The following LARP4 variants were observed in gnomAD, a reference collection of about 807,000 sequenced individuals.
LARP4 encodes the protein la-related protein 4.
A neutral mutation model predicts 92.9 loss-of-function variants in LARP4; 29 were observed. The ratio of observed to expected loss-of-function variants is 0.31; its 90% CI spans 0.23 to 0.43. The LOEUF (loss-of-function observed/expected upper bound fraction) is 0.43, where lower values mean the gene tolerates loss of function less well. LARP4 is among the 20% of genes least tolerant of loss of function. The pLI, the probability that LARP4 is intolerant of heterozygous loss-of-function variation, is 1.00. For missense variants in LARP4, 732 were observed against 860.0 expected, an observed-to-expected ratio of 0.85 and a Z score of 1.86; for synonymous variants, 279 against 284.1, an observed-to-expected ratio of 0.98 and a Z score of 0.18.
intron 13 of LARP4, among the ~76,000 whole-genome samples, chr12:50,472,166 A>G (rs1034456058): frequency 2.0e-5 from 3 of 152,154 alleles, no homozygotes; most frequent in Admixed American, 6.6e-5. Flanking sequence ...TCTAAATTCT[A>G]TGCCAGCAGT....
intron 5 of LARP4, 140 bp from the exon 6 acceptor site, chr12:50,437,595 T>C (rs1565614023): frequency 1.8e-6 from 1 of 541,978 alleles, no homozygotes; most frequent in Non-Finnish European, 3.3e-6. Flanking sequence ...TCTTTGATTC[T>C]ACAACTTAGT....
intron 10 of LARP4, among the ~76,000 whole-genome samples, chr12:50,456,901 G>C (rs1954355046): frequency 7.1e-6 from 1 of 140,882 alleles, no homozygotes; most frequent in Non-Finnish European, 1.6e-5. Context: ...TCATTTTCAA[G>C]ATGTAACAGG....
At chr12:50,474,299 G>A (rs1196769598) in intron 15 of LARP4, 132 bp downstream of exon 15, 3 of 677,654 alleles carry the variant, frequency 4.4e-6, no homozygotes, top group African/African-American at 3.6e-5. Context: ...TCAGAAAGAA[G>A]CTTAAGGAGT....
chr12:50,434,396 A>G (rs561943587), intron 4 of LARP4, among the ~76,000 whole-genome samples: 1 of 149,894 alleles, frequency 6.7e-6, no homozygotes, highest in African/African-American at 2.4e-5. Flanking sequence ...TATTAAATAT[A>G]TATTTTTTAT....
chr12:50,440,327 G>C, intron 6 of LARP4, 112 bp from the exon 7 acceptor site: 1 of 726,710 alleles, frequency 1.4e-6, no homozygotes, highest in South Asian at 1.8e-5. Context: ...TAAGTGAAGT[G>C]ATAGGACCAA....
At chr12:50,468,869 G>A (rs1956529675) in intron 13 of LARP4, among the ~76,000 whole-genome samples, 1 of 151,632 alleles carries the variant, frequency 6.6e-6, no homozygotes, top group African/African-American at 2.4e-5. Context: ...ATATTTTTCA[G>A]GGCTGAGACT....
chr12:50,416,742 T>C (rs1946859815), intron 1 of LARP4, among the ~76,000 whole-genome samples: 1 of 152,110 alleles, frequency 6.6e-6, no homozygotes, highest in Non-Finnish European at 1.5e-5. Flanking sequence ...CCCAGCACTT[T>C]GGGAGGCTGA....
At chr12:50,466,740 GA>G (rs1361882038) in intron 12 of LARP4, among the ~76,000 whole-genome samples, 1 of 152,186 alleles carries the variant, frequency 6.6e-6, no homozygotes, top group Non-Finnish European at 1.5e-5. Flanking sequence ...GTTTACAAAA[GA>G]AACAGGTGAG....
intron 1 of LARP4, among the ~76,000 whole-genome samples, chr12:50,417,812 G>T (rs1947090324): frequency 6.6e-6 from 1 of 152,128 alleles, no homozygotes. Flanking sequence ...TCCTGCCTCA[G>T]CCTCCCAAGT....
chr12:50,400,922 G>T lies in LARP4; in HGVS notation c.-89G>T. ...TGCCGGGTGGAGGGGCAAGGCGAGT[G>T]TGTGTCCTTATCCTAGCAATTGGGG... On this transcript the variant is annotated 5_prime_UTR_variant, in exon 1 of 16. Transcript: ENST00000398473. 4 of 1,575,640 alleles carry T rather than the reference G, an allele frequency of 2.5e-6. No homozygotes were observed. Among genetic ancestry groups the T allele is most frequent in the Admixed American group, 3.3e-5 (2 of 59,980 alleles).
At chr12:50,439,275 T>G (rs1170792662) in intron 6 of LARP4, among the ~76,000 whole-genome samples, 1 of 152,206 alleles carries the variant, frequency 6.6e-6, no homozygotes, top group Non-Finnish European at 1.5e-5. Flanking sequence ...ATTCATATTC[T>G]GAATACATAA....
chr12:50,436,251 T>C (rs552374106), intron 5 of LARP4, among the ~76,000 whole-genome samples: 81 of 151,522 alleles, frequency 5.3e-4, no homozygotes, highest in African/African-American at 1.9e-3. Flanking sequence ...TGTATGTATA[T>C]ATATATATAT....
intron 13 of LARP4, among the ~76,000 whole-genome samples, chr12:50,472,386 C>G (rs1300316939): frequency 6.6e-6 from 1 of 152,154 alleles, no homozygotes; most frequent in African/African-American, 2.4e-5. Context: ...GAATTGACTA[C>G]TCTTAGTAAT....
chr12:50,403,282 A>G (rs1944210377), intron 1 of LARP4, among the ~76,000 whole-genome samples: 1 of 152,156 alleles, frequency 6.6e-6, no homozygotes, highest in Non-Finnish European at 1.5e-5. Context: ...TTGCGTGTTT[A>G]TTTTCTCTAG....
At chr12:50,472,416 C>T (rs1285640199) in intron 13 of LARP4, among the ~76,000 whole-genome samples, 4 of 152,124 alleles carry the variant, frequency 2.6e-5, no homozygotes, top group African/African-American at 7.2e-5. Context: ...TAGAATCATA[C>T]AGTATTTGTC....
chr12:50,453,520 A>G lies in LARP4; in HGVS notation c.865A>G (p.Ser289Gly). 1.2e-6 allele frequency: 2 copies of G among 1,613,168 alleles called. No homozygotes were observed. Among genetic ancestry groups the G allele is most frequent in the Non-Finnish European group, 1.7e-6 (2 of 1,179,268 alleles). The change falls in exon 9 of 16, where the codon AGT (serine) becomes GGT (glycine). Residue 289 changes from serine (S) to glycine (G), a missense_variant. Ser to Gly is a moderately conservative substitution (Grantham distance 56, BLOSUM62 0). Transcript: ENST00000398473. Reference sequence around the variant, plus strand: ...GAATGGTTATCGATTAATGGATTCTAGTATCTATAGTCACCCCATTCAAAC... The same window carrying G: ...GAATGGTTATCGATTAATGGATTCTGGTATCTATAGTCACCCCATTCAAAC... ...AKNGYRLMDS[S>G]IYSHPIQTQA...
chr12:50,420,894 A>G (rs191634846), intron 1 of LARP4: 80 of 151,964 alleles, frequency 5.3e-4, no homozygotes, highest in African/African-American at 1.9e-3. Context: ...ACAGGTATAA[A>G]TCTAAAATAA....
intron 11 of LARP4, 113 bp downstream of exon 11, chr12:50,461,460 A>G (rs1306917880): frequency 5.7e-6 from 6 of 1,045,992 alleles, no homozygotes; most frequent in Admixed American, 5.6e-5. Context: ...GTATATGGTT[A>G]TATTAAATAA....
At position 50,452,940 on chromosome 12, in the gene LARP4, C is replaced by T. The variant is rs539381492; in HGVS notation, c.805-520C>T. Among the ~76,000 whole-genome samples, 77 of 152,146 alleles carry T rather than the reference C, an allele frequency of 5.1e-4. No homozygotes were observed. In the South Asian group the frequency reaches 5.6e-3, roughly 11 times the overall value. ...TTGTTGTTGTTTAGAGACAGGGTCT[C>T]GCTCTGTTGCCCAGGCTGGAGTGTG... On this transcript the variant is annotated intron_variant, in intron 8 of 15. Transcript: ENST00000398473.
Sources: gnomAD v4.1 joint callset for allele counts (sites outside exome capture counted in the v4.1 genomes callset) on GRCh38, gnomAD v4.1.1 for gene constraint, MANE v1.5 for transcripts, NCBI Gene and HGNC (gene_info 2026-07-23, HGNC 2026-07-21) for gene names.